The following PPARGC1A variants were observed in gnomAD, a reference collection of about 807,000 sequenced individuals.
The protein encoded by PPARGC1A is PPARG coactivator 1 alpha.
Under a neutral mutation model 88.7 loss-of-function variants are expected in PPARGC1A, and 25 were observed. The ratio of observed to expected loss-of-function variants is 0.28; its 90% CI spans 0.21 to 0.39. The LOEUF (loss-of-function observed/expected upper bound fraction) is 0.39, where lower values mean the gene tolerates loss of function less well. Ranked by LOEUF, PPARGC1A falls within the 10% of genes least tolerant of loss-of-function variation. The pLI is 1.00. For synonymous variants in PPARGC1A, 363 were observed against 355.6 expected (o/e 1.02, Z -0.24); for missense variants, 880 against 968.7 (o/e 0.91, Z 1.22).
the PPARGC1A span, among the ~76,000 whole-genome samples, chr4:24,227,082 CT>C: frequency 5.7e-4 from 83 of 146,212 alleles, no homozygotes; most frequent in African/African-American, 9.0e-4. Context: ...TCTAACACTT[CT>C]TTTTTTTTTT....
At chr4:24,416,316 C>G in the PPARGC1A span, among the ~76,000 whole-genome samples, 1 of 64,626 alleles carries the variant, frequency 1.5e-5, no homozygotes, top group African/African-American at 4.9e-5. Context: ...ATTTAGTATA[C>G]AGTGTGGATC....
chr4:24,248,062 A>G, the PPARGC1A span, among the ~76,000 whole-genome samples: 323 of 152,334 alleles, frequency 2.1e-3, no homozygotes, highest in African/African-American at 7.4e-3. Context: ...CTGCGGCTGC[A>G]AAGACTAAAC....
chr4:24,142,244 G>A, the PPARGC1A span, among the ~76,000 whole-genome samples: 1 of 152,132 alleles, frequency 6.6e-6, no homozygotes, highest in East Asian at 1.9e-4. Flanking sequence ...TGCTCTTGAG[G>A]TACTTACATT....
the PPARGC1A span, among the ~76,000 whole-genome samples, chr4:24,143,525 A>G: frequency 2.4e-4 from 37 of 152,284 alleles, no homozygotes; most frequent in East Asian, 5.4e-3. Context: ...GAGCTTCTGA[A>G]TTGGAAAAGT....
intron 5 of PPARGC1A, among the ~76,000 whole-genome samples, chr4:23,826,280 G>A (rs879442633): frequency 3.3e-5 from 5 of 152,172 alleles, no homozygotes; most frequent in Non-Finnish European, 5.9e-5. Flanking sequence ...CACCATTAGA[G>A]GAGTATTGAT....
chr4:24,216,818 C>G, the PPARGC1A span, among the ~76,000 whole-genome samples: 2 of 152,144 alleles, frequency 1.3e-5, no homozygotes, highest in Non-Finnish European at 2.9e-5. Context: ...CCAAGATTCT[C>G]CCTGAGAAGA....
chr4:23,974,365 T>C, the PPARGC1A span, among the ~76,000 whole-genome samples: 1 of 152,172 alleles, frequency 6.6e-6, no homozygotes, highest in Non-Finnish European at 1.5e-5. Context: ...ACCAGGAAAT[T>C]GTACTAATTC....
At chr4:24,394,693 A>G in the PPARGC1A span, among the ~76,000 whole-genome samples, 2 of 152,214 alleles carry the variant, frequency 1.3e-5, no homozygotes, top group Admixed American at 6.5e-5. Context: ...GAACCAAGTC[A>G]TTATGACTGC....
rs530449905 is a variant in PPARGC1A at position 23,856,143 on chromosome 4, T to C, written c.235-24392A>G. Among the ~76,000 whole-genome samples the C allele has an allele frequency of 2.6e-5, 4 of 152,264 alleles. No homozygotes were observed. In the South Asian group the frequency reaches 6.2e-4, roughly 24 times the overall value. ...TTGTATATCTCCTATTCCCACCCCA[T>C]AGAGCTCCCACAGTATATACTTGAG... On this transcript the variant is annotated intron_variant, in intron 2 of 12. Coordinates refer to ENST00000264867, the MANE Select transcript of PPARGC1A (RefSeq NM_013261.5).
At chr4:23,978,130 C>G in the PPARGC1A span, among the ~76,000 whole-genome samples, 11 of 152,210 alleles carry the variant, frequency 7.2e-5, no homozygotes, top group Non-Finnish European at 1.5e-4. Context: ...AGAAAAAGCT[C>G]TAGCATTACA....
At chr4:23,904,121 C>T (rs1276127383), upstream of PPARGC1A, 45 of 866,922 alleles carry the variant, frequency 5.2e-5, no homozygotes, top group Non-Finnish European at 6.1e-5. Flanking sequence ...CTTTTTAATT[C>T]ACAAGGGCAT....
the PPARGC1A span, among the ~76,000 whole-genome samples, chr4:24,126,523 C>A: frequency 6.6e-6 from 1 of 152,008 alleles, no homozygotes; most frequent in African/African-American, 2.4e-5. Flanking sequence ...TTTCTTAGTC[C>A]CTCTAGGATA....
At chr4:24,034,323 A>T in the PPARGC1A span, among the ~76,000 whole-genome samples, 1 of 152,250 alleles carries the variant, frequency 6.6e-6, no homozygotes, top group South Asian at 2.1e-4. Flanking sequence ...CTCAAAAGAC[A>T]TATCACCCAA....
chr4:23,940,888 C>G, the PPARGC1A span, among the ~76,000 whole-genome samples: 1 of 152,040 alleles, frequency 6.6e-6, no homozygotes. Flanking sequence ...AAATTTAGCT[C>G]AAAATGAAAT....
the PPARGC1A span, among the ~76,000 whole-genome samples, chr4:24,021,119 A>G: frequency 1.3e-5 from 2 of 152,248 alleles, no homozygotes; most frequent in African/African-American, 2.4e-5. Flanking sequence ...TTCCTGGCCC[A>G]TAGCAGGCAA....
At chr4:23,991,938 A>C in the PPARGC1A span, among the ~76,000 whole-genome samples, 13 of 152,296 alleles carry the variant, frequency 8.5e-5, no homozygotes, top group East Asian at 7.7e-4. Context: ...AACAGTTTGC[A>C]TTAAGTTTCT....
the PPARGC1A span, among the ~76,000 whole-genome samples, chr4:24,257,456 C>T: frequency 0.016 from 2,400 of 152,280 alleles, 70 homozygotes; most frequent in African/African-American, 0.055. Flanking sequence ...TATGGTAGCA[C>T]AAACTATTCC....
chr4:23,977,057 A>C, the PPARGC1A span, among the ~76,000 whole-genome samples: 2 of 151,964 alleles, frequency 1.3e-5, no homozygotes, highest in African/African-American at 4.8e-5. Flanking sequence ...AGGAAGAGGA[A>C]GAAGAAGAAG....
At chr4:24,362,042 C>A in the PPARGC1A span, among the ~76,000 whole-genome samples, 1 of 152,188 alleles carries the variant, frequency 6.6e-6, no homozygotes. Context: ...TTAAGAAGAG[C>A]AAGACAAAAT....
Sources: allele counts gnomAD v4.1 joint callset (sites outside exome capture counted in the v4.1 genomes callset), GRCh38; gene constraint gnomAD v4.1.1; transcripts MANE v1.5; gene names NCBI Gene and HGNC (gene_info 2026-07-23, HGNC 2026-07-21).